ECPAS: variants seen among roughly 807,000 people sequenced by gnomAD.
The protein encoded by ECPAS is Ecm29 proteasome adaptor and scaffold, also known as proteasome adapter and scaffold protein ECM29.
Under a neutral mutation model 255.1 loss-of-function variants are expected in ECPAS, and 70 were observed. The observed-to-expected ratio is 0.27, with a 90% CI of 0.23 to 0.33. The LOEUF (loss-of-function observed/expected upper bound fraction) is 0.33. Among genes scored for constraint, ECPAS ranks in the 10% least tolerant of loss-of-function variants. The pLI, the probability that ECPAS is intolerant of heterozygous loss-of-function variation, is 1.00. For missense variants in ECPAS, 1,817 were observed against 2,206.4 expected, an observed-to-expected ratio of 0.82 and a Z score of 3.54; for synonymous variants, 784 against 775.0, an observed-to-expected ratio of 1.01 and a Z score of -0.19.
chr9:111,417,588 A>T (rs190891751), intron 17 of ECPAS, among the ~76,000 whole-genome samples: 66 of 152,254 alleles, frequency 4.3e-4, no homozygotes, highest in African/African-American at 1.4e-3. Flanking sequence ...TCTACTAAAA[A>T]TACAAAAAAT....
intron 13 of ECPAS, among the ~76,000 whole-genome samples, chr9:111,422,936 A>G (rs143820229): frequency 1.9e-4 from 29 of 152,348 alleles, no homozygotes; most frequent in East Asian, 7.7e-4. Context: ...TAGGGTACAA[A>G]AAAAGTAACC....
chr9:111,390,367 C>T (rs925851868), intron 29 of ECPAS, among the ~76,000 whole-genome samples: 2 of 152,168 alleles, frequency 1.3e-5, no homozygotes, highest in Non-Finnish European at 2.9e-5. Context: ...GGTCCACTCA[C>T]CACCTGGAGA....
intron 14 of ECPAS, 27 bp downstream of exon 14, chr9:111,422,107 G>A (rs765237770): frequency 1.3e-4 from 208 of 1,613,590 alleles, no homozygotes; most frequent in Non-Finnish European, 1.7e-4. Flanking sequence ...CAAACACAAA[G>A]CATAAACTTA....
intron 6 of ECPAS, among the ~76,000 whole-genome samples, chr9:111,439,295 G>GT (rs1283804651): frequency 6.6e-6 from 1 of 151,940 alleles, no homozygotes; most frequent in African/African-American, 2.4e-5. Context: ...TTGAGACAGG[G>GT]TATTTGTTCT....
chr9:111,438,078 G>A (rs544027125), intron 6 of ECPAS, among the ~76,000 whole-genome samples: 4 of 151,980 alleles, frequency 2.6e-5, no homozygotes, highest in South Asian at 2.1e-4. Flanking sequence ...TTAAGGAATC[G>A]CTTTAATGTT....
At chr9:111,426,672 A>G (rs2098222109) in intron 10 of ECPAS, among the ~76,000 whole-genome samples, 1 of 148,486 alleles carries the variant, frequency 6.7e-6, no homozygotes, top group Admixed American at 6.8e-5. Flanking sequence ...TCTGGGCAAC[A>G]TAGCAAGATC....
At position 111,385,325 on chromosome 9, in the gene ECPAS, T is replaced by C. The variant is rs1442631270; in HGVS notation, c.3633+12A>G. ...TTTTGTATATATAAATGCTGATTTA[T>C]TTCTATAATACCTTGATATCATCTT... On this transcript the variant is annotated intron_variant, in intron 33 of 49. Transcript: ENST00000684092. 2 of 1,246,080 alleles carry C rather than the reference T, an allele frequency of 1.6e-6. No individual in the cohort carries two copies. Among genetic ancestry groups the C allele is most frequent in the East Asian group, 5.0e-5 (2 of 39,876 alleles). 77.2% of individuals were successfully genotyped at this position (1,246,080 alleles called of 1,614,324 possible).
chr9:111,389,005 G>T (rs537852048), intron 31 of ECPAS, among the ~76,000 whole-genome samples: 4 of 152,214 alleles, frequency 2.6e-5, no homozygotes, highest in Non-Finnish European at 4.4e-5. Flanking sequence ...AAAAGTGTAA[G>T]GTTGGGAACT....
At chr9:111,422,070 T>A in intron 14 of ECPAS, 27 bp from the exon 15 acceptor site, 1 of 1,613,576 alleles carries the variant, frequency 6.2e-7, no homozygotes. Context: ...AATGTTTCCC[T>A]CCTTGTTGGG....
chr9:111,450,899 T>C (rs905149616), intron 3 of ECPAS, among the ~76,000 whole-genome samples: 1 of 152,200 alleles, frequency 6.6e-6, no homozygotes, highest in Non-Finnish European at 1.5e-5. Context: ...CACTCCAGCC[T>C]GGGTGATAGA....
In ECPAS at chr9:111,369,102, C is replaced by G. The variant is rs1342045991; in HGVS notation, c.5046G>C (p.Gln1682His). The G allele has an allele frequency of 6.2e-7, 1 of 1,607,376 alleles. No homozygotes were observed. Among genetic ancestry groups the G allele is most frequent in the South Asian group, 1.1e-5 (1 of 89,858 alleles). Residue 1682 changes from glutamine (Q) to histidine (H), a missense_variant, in exon 46 of 50, where the codon CAG (glutamine) becomes CAC (histidine). Physicochemically the swap from Gln to His is conservative, Grantham distance 24. Coordinates refer to ENST00000684092, the MANE Select transcript of ECPAS (RefSeq NM_001364929.1). The part of the protein sequence containing the change: ...EEENEKEKEL[Q>H]LEYLLGAFES... ...CAAAGGCACCCAGCAGATATTCCAG[C>G]TGGAGCTCCTTTTCCTTTTCATTCT...
intron 20 of ECPAS, 100 bp from the exon 21 acceptor site, chr9:111,412,248 GAT>G: frequency 9.9e-7 from 1 of 1,007,764 alleles, no homozygotes; most frequent in Non-Finnish European, 1.3e-6. Flanking sequence ...TCTGTTGATG[GAT>G]ATTGAGAAAA....
rs775678855 is a variant in ECPAS, at chr9:111,410,980, C to T, written c.2377G>A (p.Gly793Ser). Residue 793 changes from glycine to serine, a missense_variant and splice_region_variant, in exon 22 of 50, where the codon GGC (glycine) becomes AGC (serine). By Grantham distance (56) the Gly-to-Ser change is moderately conservative. Transcript: ENST00000684092. ...ELIQSATETI[G>S]SFLDSTSPLL... ...AAATCGACATAAAGACATTAATTAC[C>T]TATTGTTTCTGTAGCACTCTGAATG... 6.2e-7 allele frequency: 1 copy of T among 1,611,732 alleles called. No individual in the cohort carries two copies. The highest frequency in any genetic ancestry group is 1.7e-5 in the Admixed American group (1 of 59,824).
intron 2 of ECPAS, among the ~76,000 whole-genome samples, chr9:111,453,457 T>A (rs560479143): frequency 1.3e-5 from 2 of 151,884 alleles, no homozygotes; most frequent in African/African-American, 4.8e-5. Flanking sequence ...ATTTTTCTTA[T>A]AGGAAGAATT....
Position 111,483,115 on chromosome 9 carries a change from G to A in ECPAS, c.-83+1001C>T, listed in dbSNP as rs549798003. ...CATTTCTATAACTCAACCAGCCGTC[G>A]GGGACCCGGGGCCAGGCGGGGTCAG... On this transcript the variant is annotated intron_variant, in intron 1 of 49. Transcript: ENST00000684092. Among the ~76,000 whole-genome samples the A allele has an allele frequency of 2.9e-3, 437 of 152,224 alleles. 2 individuals carry two copies. The highest frequency in any genetic ancestry group is 0.01 in the Middle Eastern group (3 of 294).
At chr9:111,468,119 C>T (rs2098281730) in intron 2 of ECPAS, among the ~76,000 whole-genome samples, 1 of 152,182 alleles carries the variant, frequency 6.6e-6, no homozygotes, top group African/African-American at 2.4e-5. Flanking sequence ...CACTGCACTT[C>T]AGCCTGGGCA....
intron 2 of ECPAS, among the ~76,000 whole-genome samples, chr9:111,471,818 A>C (rs1399482540): frequency 6.6e-6 from 1 of 152,148 alleles, no homozygotes; most frequent in East Asian, 1.9e-4. Flanking sequence ...AAATAGAACA[A>C]CTGGCTGGGC....
chr9:111,411,389 C>G (rs2098194136), intron 21 of ECPAS, among the ~76,000 whole-genome samples: 1 of 152,170 alleles, frequency 6.6e-6, no homozygotes, highest in Admixed American at 6.5e-5. Context: ...TTCTGTAATT[C>G]CATGCCCACT....
chr9:111,479,194 T>C (rs2098300393), intron 1 of ECPAS, among the ~76,000 whole-genome samples: 1 of 152,196 alleles, frequency 6.6e-6, no homozygotes, highest in Non-Finnish European at 1.5e-5. Flanking sequence ...TTTAAAACAA[T>C]GCTGGTGCTG....
Sources: allele counts gnomAD v4.1 joint callset (sites outside exome capture counted in the v4.1 genomes callset), GRCh38; gene constraint gnomAD v4.1.1; transcripts MANE v1.5; gene names NCBI Gene and HGNC (gene_info 2026-07-23, HGNC 2026-07-21).